The following LRRC70 variants were observed in gnomAD, a reference collection of about 807,000 sequenced individuals.
The protein encoded by LRRC70 is leucine rich repeat containing 70.
A neutral mutation model predicts 42.4 loss-of-function variants in LRRC70; 31 were observed. The observed-to-expected ratio is 0.73, with a 90% CI of 0.55 to 0.99. The LOEUF (loss-of-function observed/expected upper bound fraction) is 0.99. Among genes scored for constraint, LRRC70 ranks in the 50% least tolerant of loss-of-function variants. The probability of loss-of-function intolerance (pLI) is 0.00; values close to 1 mark genes in which losing one functional copy is unlikely to be tolerated. For missense variants in LRRC70, 643 were observed against 707.5 expected, an observed-to-expected ratio of 0.91 and a Z score of 1.03; for synonymous variants, 270 against 262.9, an observed-to-expected ratio of 1.03 and a Z score of -0.26.
Position 62,579,830 on chromosome 5 carries a change from T to A in LRRC70, c.392T>A (p.Leu131His). The A allele has an allele frequency of 6.5e-7, 1 of 1,546,974 alleles. No individual in the cohort carries two copies. Among genetic ancestry groups the A allele is most frequent in the African/African-American group, 1.4e-5 (1 of 72,944 alleles). ...KRLDPGIFKG[L>H]LNLRNLYLQY... ...TTAGATCCTGGAATATTTAAGGGAC[T>A]TTTAAATCTTCGTAATTTATATTTA... The change falls in exon 2 of 2, where the codon CTT becomes CAT. Residue 131 changes from leucine (L) to histidine (H), a missense_variant. Physicochemically the swap from Leu to His is moderately conservative, Grantham distance 99. Coordinates refer to ENST00000334994, the MANE Select transcript of LRRC70 (RefSeq NM_181506.5).
chr5:62,579,402 C>T lies in LRRC70; in HGVS notation c.-37C>T, dbSNP rs1232720613. The T allele has an allele frequency of 5.8e-6, 9 of 1,541,020 alleles. No individual in the cohort carries two copies. The highest frequency in any genetic ancestry group is 7.9e-6 in the Non-Finnish European group (9 of 1,137,750). On this transcript the variant is annotated splice_region_variant and 5_prime_UTR_variant, in exon 2 of 2. Transcript: ENST00000334994. ...AAGCTTTACCTTCTCTTTTTATAGC[C>T]AATTCTGATCTGAACAGAAAATCCA...
Position 62,580,060 on chromosome 5 carries a change from T to C in LRRC70, c.622T>C (p.Cys208Arg). 6.4e-7 allele frequency: 1 copy of C among 1,551,204 alleles called. No homozygotes were observed. The highest frequency in any genetic ancestry group is 8.7e-7 in the Non-Finnish European group (1 of 1,146,696). ...CTTTCAACATCTTGAAAACCTTGCT[T>C]GTTTGTATTTAGGAAGTAATAATTT... ...SGFQHLENLA[C>R]LYLGSNNLTK... The change falls in exon 2 of 2, where the codon TGT (cysteine) becomes CGT (arginine). Residue 208 changes from cysteine to arginine, a missense_variant. Coordinates refer to ENST00000334994, the MANE Select transcript of LRRC70 (RefSeq NM_181506.5).
chr5:62,580,318 GAC>G lies in LRRC70; in HGVS notation c.884_885del (p.Thr295IlefsTer11), dbSNP rs1744502056. On this transcript the variant is annotated frameshift_variant, in exon 2 of 2. Transcript: ENST00000334994. LOFTEE classifies it high-confidence loss of function. ...TAATGATTTAGAGAATTTAAATTCT[GAC>G]ACATTCAGTTTGTTAAAGAATTTAA... The part of the protein sequence containing the change: ...SHNDLENLNS[D>X]TFSLLKNLIY... 1 of 1,536,184 alleles carries G rather than the reference GAC, an allele frequency of 6.5e-7. No homozygotes were observed. The highest frequency in any genetic ancestry group is 1.4e-5 in the African/African-American group (1 of 72,776).
rs1255034106 is a variant in LRRC70 at position 62,580,170 on chromosome 5, GC to G, written c.735del (p.Phe246LeufsTer14). Reference protein sequence around the residue: ...LSHNPIEAIQPFAFKGLANLE... With the variant: ...LSHNPIEAIQXFAFKGLANLE... ...CTCATAATCCTATTGAAGCAATACA[GC>G]CCTTTGCATTTAAAGGACTTGCCAA... On this transcript the variant is annotated frameshift_variant, in exon 2 of 2. Coordinates refer to ENST00000334994, the MANE Select transcript of LRRC70 (RefSeq NM_181506.5). LOFTEE classifies it high-confidence loss of function. The G allele has an allele frequency of 1.3e-6, 2 of 1,551,102 alleles. No individual in the cohort carries two copies. Among genetic ancestry groups the G allele is most frequent in the Non-Finnish European group, 8.7e-7 (1 of 1,146,644 alleles).
At position 62,579,397 on chromosome 5, in the gene LRRC70, A is replaced by G. The variant is rs1310474745; in HGVS notation, c.-38-4A>G. The G allele has an allele frequency of 7.2e-6, 11 of 1,534,738 alleles. No homozygotes were observed. The highest frequency in any genetic ancestry group is 9.7e-6 in the Non-Finnish European group (11 of 1,132,228). On this transcript the variant is annotated splice_region_variant and splice_polypyrimidine_tract_variant and intron_variant, in intron 1 of 1. Coordinates refer to ENST00000334994, the MANE Select transcript of LRRC70 (RefSeq NM_181506.5). ...ATTTAAAGCTTTACCTTCTCTTTTT[A>G]TAGCCAATTCTGATCTGAACAGAAA...
chr5:62,580,395 A>C lies in LRRC70; in HGVS notation c.957A>C (p.Thr319=). ...RNRIISIDND[T]FENMGASLKI... ...GAATAATTAGCATTGATAATGATAC[A>C]TTTGAAAATATGGGAGCATCTTTGA... The change falls in exon 2 of 2, where the codon ACA becomes ACC. Residue 319 remains threonine (T), a synonymous_variant. Transcript: ENST00000334994. 1 of 1,550,770 alleles carries C rather than the reference A, an allele frequency of 6.4e-7. No homozygotes were observed. Among genetic ancestry groups the C allele is most frequent in the East Asian group, 2.4e-5 (1 of 40,904 alleles).
Position 62,580,979 on chromosome 5 carries a change from C to T in LRRC70, c.1541C>T (p.Ser514Phe). The T allele has an allele frequency of 1.9e-6, 3 of 1,551,144 alleles. No individual in the cohort carries two copies. Among genetic ancestry groups the T allele is most frequent in the Non-Finnish European group, 2.6e-6 (3 of 1,146,800 alleles). Reference sequence around the variant, plus strand: ...GCTGCTTCAATGTCAGGGAAAACATCTCTAATTTGTACACAAGAAGTTGAG... The same window carrying T: ...GCTGCTTCAATGTCAGGGAAAACATTTCTAATTTGTACACAAGAAGTTGAG... ...NDAASMSGKT[S>F]LICTQEVEKL... Residue 514 changes from serine to phenylalanine, a missense_variant, in exon 2 of 2, where the codon TCT becomes TTT. Coordinates refer to ENST00000334994, the MANE Select transcript of LRRC70 (RefSeq NM_181506.5).
At position 62,581,159 on chromosome 5, in the gene LRRC70, A is replaced by T; in HGVS notation, c.1721A>T (p.Gln574Leu). 1 of 1,551,170 alleles carries T rather than the reference A, an allele frequency of 6.4e-7. No individual in the cohort carries two copies. Among genetic ancestry groups the T allele is most frequent in the Non-Finnish European group, 8.7e-7 (1 of 1,146,754 alleles). The change falls in exon 2 of 2, where the codon CAG becomes CTG. Residue 574 changes from glutamine (Q) to leucine (L), a missense_variant. Physicochemically the swap from Gln to Leu is moderately radical, Grantham distance 113. Transcript: ENST00000334994. The stretch of plus-strand genomic sequence containing the variant: ...AGACTTGAATACTACAGCTTTTATC[A>T]GTCAGCAAGGTATAATGTAACTGCC... ...ENRLEYYSFY[Q>L]SARYNVTASI... is the part of the protein sequence containing the mutation.
Position 62,580,238 on chromosome 5 carries a change from T to C in LRRC70, c.800T>C (p.Val267Ala). Residue 267 changes from valine (V) to alanine (A), a missense_variant, in exon 2 of 2, where the codon GTT (valine) becomes GCT (alanine). By Grantham distance (64) the Val-to-Ala change is moderately conservative. Transcript: ENST00000334994. ...LLLKNSRIRN[V>A]TRDGFSGINN... ...CTGAAAAATTCAAGAATTAGGAATG[T>C]TACTAGGGATGGGTTTAGTGGAATT... is the stretch of plus-strand genomic sequence containing the variant. 1.3e-6 allele frequency: 2 copies of C among 1,549,242 alleles called. No homozygotes were observed. Among genetic ancestry groups the C allele is most frequent in the South Asian group, 2.4e-5 (2 of 84,014 alleles).
Position 62,579,715 on chromosome 5 carries a change from A to G in LRRC70, c.277A>G (p.Asn93Asp). The change falls in exon 2 of 2, where the codon AAT (asparagine) becomes GAT (aspartate). Residue 93 changes from asparagine to aspartate, a missense_variant. By Grantham distance (23) the Asn-to-Asp change is conservative. Coordinates refer to ENST00000334994, the MANE Select transcript of LRRC70 (RefSeq NM_181506.5). ...TTCTCTTGTAGCATTGTATTTGGATAATTCTAACATTCTGTATGTATATCC... is the reference window on the plus strand; with the variant it reads ...TTCTCTTGTAGCATTGTATTTGGATGATTCTAACATTCTGTATGTATATCC... ...LHSLVALYLDNSNILYVYPKA... is the reference protein window; with the variant it reads ...LHSLVALYLDDSNILYVYPKA... 1 of 1,548,518 alleles carries G rather than the reference A, an allele frequency of 6.5e-7. No individual in the cohort carries two copies. Among genetic ancestry groups the G allele is most frequent in the Non-Finnish European group, 8.7e-7 (1 of 1,145,488 alleles).
chr5:62,580,275 AC>A lies in LRRC70; in HGVS notation c.838del (p.His280IlefsTer2). On this transcript the variant is annotated frameshift_variant, in exon 2 of 2. Transcript: ENST00000334994. LOFTEE classifies it high-confidence loss of function. Reference protein sequence around the residue: ...DGFSGINNLKHLILSHNDLEN... With the variant: ...DGFSGINNLKXLILSHNDLEN... ...GGTTTAGTGGAATTAATAATCTTAA[AC>A]ATTTGATCTTAAGTCATAATGATTT... The A allele has an allele frequency of 1.9e-6, 3 of 1,540,396 alleles. No homozygotes were observed. The highest frequency in any genetic ancestry group is 2.6e-6 in the Non-Finnish European group (3 of 1,136,948).
Position 62,579,887 on chromosome 5 carries a change from G to T in LRRC70, c.449G>T (p.Gly150Val). The T allele has an allele frequency of 1.3e-6, 2 of 1,550,734 alleles. No homozygotes were observed. Among genetic ancestry groups the T allele is most frequent in the Non-Finnish European group, 1.7e-6 (2 of 1,146,322 alleles). The change falls in exon 2 of 2, where the codon GGA (glycine) becomes GTA (valine). Residue 150 changes from glycine (G) to valine (V), a missense_variant. By Grantham distance (109) the Gly-to-Val change is moderately radical. Coordinates refer to ENST00000334994, the MANE Select transcript of LRRC70 (RefSeq NM_181506.5). ...QYNQVSFVPR[G>V]VFNDLVSVQY... is the part of the protein sequence containing the mutation. Reference sequence around the variant, plus strand: ...AATCAGGTATCTTTTGTTCCGAGAGGAGTATTTAATGATCTAGTTTCAGTT... The same window carrying T: ...AATCAGGTATCTTTTGTTCCGAGAGTAGTATTTAATGATCTAGTTTCAGTT...
In LRRC70 at chr5:62,581,257, G is replaced by A. The variant is rs147839866; in HGVS notation, c.1819G>A (p.Val607Ile). ...GCAGATTCGACTTCATAAACAAATTGTTCCTGAAAATGAGGCACAGGTCAT... is the reference window on the plus strand; with the variant it reads ...GCAGATTCGACTTCATAAACAAATTATTCCTGAAAATGAGGCACAGGTCAT... ...LEQIRLHKQI[V>I]PENEAQVILF... The change falls in exon 2 of 2, where the codon GTT becomes ATT. Residue 607 changes from valine (V) to isoleucine (I), a missense_variant. By Grantham distance (29) the Val-to-Ile change is conservative. Coordinates refer to ENST00000334994, the MANE Select transcript of LRRC70 (RefSeq NM_181506.5). 3.4e-4 allele frequency: 529 copies of A among 1,538,302 alleles called. No homozygotes were observed. The African/African-American group carries it at 6.6e-3, about 19-fold the overall frequency.
Position 62,579,977 on chromosome 5 carries a change from T to C in LRRC70, c.539T>C (p.Val180Ala), listed in dbSNP as rs972460729. Residue 180 changes from valine to alanine, a missense_variant, in exon 2 of 2, where the codon GTT becomes GCT. Coordinates refer to ENST00000334994, the MANE Select transcript of LRRC70 (RefSeq NM_181506.5). ...GGGAGTGGTACCTTTGTTGGTATGG[T>C]TGCTCTTCGGATACTTGATTTATCA... ...VLGSGTFVGM[V>A]ALRILDLSNN... The C allele has an allele frequency of 1.3e-6, 2 of 1,551,308 alleles. No homozygotes were observed. Among genetic ancestry groups the C allele is most frequent in the Non-Finnish European group, 1.7e-6 (2 of 1,146,748 alleles).
rs1234170970 is a variant in LRRC70 at position 62,579,938 on chromosome 5, G to A, written c.500G>A (p.Arg167His). 10 of 1,551,092 alleles carry A rather than the reference G, an allele frequency of 6.4e-6. No individual in the cohort carries two copies. Among genetic ancestry groups the A allele is most frequent in the Admixed American group, 5.9e-5 (3 of 50,940 alleles). ...SVQYLNLQRN[R>H]LTVLGSGTFV... ...CAGTACTTAAATCTACAAAGGAATC[G>A]CCTCACTGTCCTTGGGAGTGGTACC... The change falls in exon 2 of 2, where the codon CGC becomes CAC. Residue 167 changes from arginine to histidine, a missense_variant. Transcript: ENST00000334994.
Position 62,580,123 on chromosome 5 carries a change from A to C in LRRC70, c.685A>C (p.Ser229Arg), listed in dbSNP as rs561159484. 1.2e-5 allele frequency: 19 copies of C among 1,551,174 alleles called. No homozygotes were observed. The East Asian group carries it at 4.2e-4, about 34-fold the overall frequency. Residue 229 changes from serine to arginine, a missense_variant, in exon 2 of 2, where the codon AGT becomes CGT. Ser to Arg is a moderately radical substitution (Grantham distance 110, BLOSUM62 -1). Transcript: ENST00000334994. ...VPSNAFEVLK[S>R]LRRLSLSHNP... ...ATCAAATGCCTTTGAAGTACTTAAA[A>C]GTCTTAGAAGACTTTCTTTGTCTCA...
In LRRC70 at chr5:62,579,586, G is replaced by C; in HGVS notation, c.148G>C (p.Gly50Arg). Reference sequence around the variant, plus strand: ...GAGACAAATTAACTGCCGTAACTTAGGCCTTTCGAGTATTCCTAAGAATTT... The same window carrying C: ...GAGACAAATTAACTGCCGTAACTTACGCCTTTCGAGTATTCCTAAGAATTT... ...TGRQINCRNL[G>R]LSSIPKNFPE... Residue 50 changes from glycine to arginine, a missense_variant, in exon 2 of 2, where the codon GGC becomes CGC. Transcript: ENST00000334994. 1 of 1,551,036 alleles carries C rather than the reference G, an allele frequency of 6.4e-7. No homozygotes were observed. Among genetic ancestry groups the C allele is most frequent in the Non-Finnish European group, 8.7e-7 (1 of 1,146,592 alleles).
chr5:62,579,384 A>T lies in LRRC70; in HGVS notation c.-38-17A>T, dbSNP rs953781232. The T allele has an allele frequency of 6.7e-7, 1 of 1,495,772 alleles. No individual in the cohort carries two copies. Among genetic ancestry groups the T allele is most frequent in the South Asian group, 1.2e-5 (1 of 82,522 alleles). 92.7% of individuals were successfully genotyped at this position (1,495,772 alleles called of 1,614,324 possible). On this transcript the variant is annotated splice_polypyrimidine_tract_variant and intron_variant, in intron 1 of 1. Transcript: ENST00000334994. Reference sequence around the variant, plus strand: ...TGAAGTTTTCGTGATTTAAAGCTTTACCTTCTCTTTTTATAGCCAATTCTG... The same window carrying T: ...TGAAGTTTTCGTGATTTAAAGCTTTTCCTTCTCTTTTTATAGCCAATTCTG...
intron 1 of LRRC70, 144 bp from the exon 2 acceptor site, chr5:62,579,257 A>AT (rs1159323666): frequency 3.2e-6 from 2 of 621,822 alleles, no homozygotes; most frequent in Non-Finnish European, 5.7e-6. Flanking sequence ...CATACTCATT[A>AT]TTTTTTGCTA....
Sources: allele counts gnomAD v4.1 joint callset, GRCh38; gene constraint gnomAD v4.1.1; transcripts MANE v1.5; gene names NCBI Gene and HGNC (gene_info 2026-07-23, HGNC 2026-07-21).